CYSTM1: variants seen among roughly 807,000 people sequenced by gnomAD.
CYSTM1 encodes cysteine rich transmembrane module containing 1.
CYSTM1 carries 4 observed loss-of-function variants against 13.1 expected under a neutral mutation model. The ratio of observed to expected loss-of-function variants is 0.31; its 90% CI spans 0.15 to 0.70. The LOEUF (loss-of-function observed/expected upper bound fraction) is 0.70, where lower values mean the gene tolerates loss of function less well. Ranked by LOEUF, CYSTM1 falls within the 30% of genes least tolerant of loss-of-function variation. CYSTM1 has a pLI of 0.72. For missense variants in CYSTM1, 96 were observed against 121.6 expected (o/e 0.79, Z 0.99); for synonymous variants, 36 against 42.7 (o/e 0.84, Z 0.62).
intron 1 of CYSTM1, among the ~76,000 whole-genome samples, chr5:140,191,376 A>G (rs1764093861): frequency 6.6e-6 from 1 of 152,170 alleles, no homozygotes; most frequent in Non-Finnish European, 1.5e-5. Flanking sequence ...TCTAGACCTT[A>G]CATGCTTTTT....
chr5:140,218,588 C>T (rs922482564), intron 2 of CYSTM1, among the ~76,000 whole-genome samples: 11 of 152,182 alleles, frequency 7.2e-5, no homozygotes, highest in Non-Finnish European at 1.6e-4. Flanking sequence ...GAGGTTGGAC[C>T]CTAGGGTGTC....
Position 140,230,546 on chromosome 5 carries a change from G to C in CYSTM1, c.188-12759G>C, listed in dbSNP as rs1431379211. On this transcript the variant is annotated intron_variant, in intron 2 of 2. Coordinates refer to ENST00000261811, the MANE Select transcript of CYSTM1 (RefSeq NM_032412.4). This position sits in a 1 kb window ranked among gnomAD's most constrained non-coding sequence, Gnocchi z 4.1. ...TCATGCTACCTCTTGGATCCCATGT[G>C]CAAATTCAGGGGAGGGGTTAGCATG... is the stretch of plus-strand genomic sequence containing the variant. Among the ~76,000 whole-genome samples the C allele has an allele frequency of 6.6e-6, 1 of 152,186 alleles. No homozygotes were observed. The highest frequency in any genetic ancestry group is 1.5e-5 in the Non-Finnish European group (1 of 68,028).
At chr5:140,202,833 G>A (rs1455180098) in intron 2 of CYSTM1, 5 of 152,314 alleles carry the variant, frequency 3.3e-5, no homozygotes, top group Middle Eastern at 6.8e-3. Flanking sequence ...CCAAACCAGT[G>A]TTGGGTTTCT....
chr5:140,233,837 TTTTGAGAGTTGTTA>T (rs1314418015), intron 2 of CYSTM1, among the ~76,000 whole-genome samples: 1 of 152,230 alleles, frequency 6.6e-6, no homozygotes, highest in Non-Finnish European at 1.5e-5. Flanking sequence ...TACTGTGGAC[TTTTGAGAGTTGTTA>T]TATATTTTAG....
At chr5:140,199,529 C>T (rs1259886325) in intron 2 of CYSTM1, among the ~76,000 whole-genome samples, 2 of 152,180 alleles carry the variant, frequency 1.3e-5, no homozygotes, top group Admixed American at 1.3e-4. Flanking sequence ...CTCACACTGT[C>T]GCCCAGGCTG....
chr5:140,177,645 G>T (rs1763907254), intron 1 of CYSTM1, among the ~76,000 whole-genome samples: 1 of 152,184 alleles, frequency 6.6e-6, no homozygotes, highest in Non-Finnish European at 1.5e-5. Flanking sequence ...TCAGATCAGT[G>T]AAGTCATTCT....
chr5:140,227,971 G>A (rs888393605), intron 2 of CYSTM1, among the ~76,000 whole-genome samples: 6 of 152,160 alleles, frequency 3.9e-5, no homozygotes, highest in Non-Finnish European at 7.3e-5. Flanking sequence ...AAATAAAATA[G>A]ATGCACTGCT....
intron 2 of CYSTM1, among the ~76,000 whole-genome samples, chr5:140,211,459 A>G (rs1020272161): frequency 6.6e-6 from 1 of 152,234 alleles, no homozygotes; most frequent in African/African-American, 2.4e-5. Context: ...GGGTAGTGGT[A>G]TCTCAAATTT....
At position 140,243,728 on chromosome 5, in the gene CYSTM1, C is replaced by A. The variant is rs1467481901; in HGVS notation, c.*317C>A. The A allele has an allele frequency of 4.6e-6, 1 of 218,576 alleles. No homozygotes were observed. The allele number at this position is 218,576 out of a possible 1,614,324, so 13.5% of individuals were successfully genotyped here. A position where few individuals can be genotyped will look rare whatever the true frequency, so the allele number is the denominator to read the frequency against. Reference sequence around the variant, plus strand: ...TAGTGGCCAAATGTAACACATCAATCATGGAATGATTTCTCTGCTAACAGC... The same window carrying A: ...TAGTGGCCAAATGTAACACATCAATAATGGAATGATTTCTCTGCTAACAGC... On this transcript the variant is annotated 3_prime_UTR_variant, in exon 3 of 3. Transcript: ENST00000261811.
intron 2 of CYSTM1, among the ~76,000 whole-genome samples, chr5:140,238,629 T>C (rs1052015091): frequency 2.0e-5 from 3 of 152,224 alleles, no homozygotes; most frequent in African/African-American, 7.2e-5. Context: ...AAAGCTGAAC[T>C]GAAACCATAG....
At chr5:140,212,126 T>C (rs766355598) in intron 2 of CYSTM1, among the ~76,000 whole-genome samples, 2 of 152,182 alleles carry the variant, frequency 1.3e-5, no homozygotes, top group Non-Finnish European at 2.9e-5. Flanking sequence ...AGGGATGACA[T>C]AACTAAGCTC....
intron 2 of CYSTM1, among the ~76,000 whole-genome samples, chr5:140,233,878 G>C (rs1255968369): frequency 6.6e-6 from 1 of 152,042 alleles, no homozygotes; most frequent in Non-Finnish European, 1.5e-5. Flanking sequence ...GTCCTCTGTT[G>C]GCTGTGATTT....
chr5:140,239,218 C>A lies in CYSTM1; in HGVS notation c.188-4087C>A, dbSNP rs969189346. Among the ~76,000 whole-genome samples the A allele has an allele frequency of 6.6e-6, 1 of 152,124 alleles. No individual in the cohort carries two copies. The highest frequency in any genetic ancestry group is 6.5e-5 in the Admixed American group (1 of 15,270). On this transcript the variant is annotated intron_variant, in intron 2 of 2. Transcript: ENST00000261811. The surrounding 1 kb of genome is among the most constrained non-coding windows in gnomAD (Gnocchi z 5.4). ...GCCATGCAGATGAAGGTTTCAGATG[C>A]CAGAATGGGGCTGAGAATTGGAGCC...
chr5:140,200,124 A>G (rs1474526553), intron 2 of CYSTM1: 1 of 152,160 alleles, frequency 6.6e-6, no homozygotes, highest in Non-Finnish European at 1.5e-5. Flanking sequence ...CTTTAGTTTA[A>G]TTAGATCCCA....
At chr5:140,196,385 A>C (rs1333281158) in intron 2 of CYSTM1, among the ~76,000 whole-genome samples, 1 of 152,246 alleles carries the variant, frequency 6.6e-6, no homozygotes, top group Non-Finnish European at 1.5e-5. Context: ...AATCAAAAGT[A>C]ATAACAGAAT....
At chr5:140,211,546 C>G (rs769368480) in intron 2 of CYSTM1, among the ~76,000 whole-genome samples, 1 of 152,176 alleles carries the variant, frequency 6.6e-6, no homozygotes, top group Non-Finnish European at 1.5e-5. Flanking sequence ...TGACCCAGAG[C>G]CTGACATACT....
intron 1 of CYSTM1, among the ~76,000 whole-genome samples, chr5:140,190,383 T>C (rs561291251): frequency 6.6e-6 from 1 of 152,314 alleles, no homozygotes; most frequent in South Asian, 2.1e-4. Context: ...CATTCATTTA[T>C]GTATGAGGCA....
chr5:140,191,280 TG>T (rs1764091124), intron 1 of CYSTM1, among the ~76,000 whole-genome samples: 1 of 151,736 alleles, frequency 6.6e-6, no homozygotes, highest in Non-Finnish European at 1.5e-5. Flanking sequence ...AGTGTATGTG[TG>T]GAAGGAGGTC....
At chr5:140,190,249 C>G (rs1581059821) in intron 1 of CYSTM1, among the ~76,000 whole-genome samples, 1 of 152,046 alleles carries the variant, frequency 6.6e-6, no homozygotes, top group Non-Finnish European at 1.5e-5. Flanking sequence ...CAAAAAAAAC[C>G]CTTATTTTTT....
Sources: allele counts gnomAD v4.1 joint callset (sites outside exome capture counted in the v4.1 genomes callset), GRCh38; gene constraint gnomAD v4.1.1; non-coding constraint Gnocchi (gnomAD v3.1); transcripts MANE v1.5; gene names NCBI Gene and HGNC (gene_info 2026-07-23, HGNC 2026-07-21).